Variants in MECOM observed in about 807,000 individuals in gnomAD.
MECOM encodes the protein histone-lysine N-methyltransferase MECOM.
MECOM carries 13 observed loss-of-function variants against 116.3 expected under a neutral mutation model. The ratio of observed to expected loss-of-function variants is 0.11; its 90% CI spans 0.07 to 0.18. MECOM has a LOEUF of 0.18. Ranked by LOEUF, MECOM falls within the 10% of genes least tolerant of loss-of-function variation. The probability of loss-of-function intolerance (pLI) is 1.00; values close to 1 mark genes in which losing one functional copy is unlikely to be tolerated. For missense variants in MECOM, 1,299 were observed against 1,509.0 expected (o/e 0.86, Z 2.31); for synonymous variants, 528 against 535.2 (o/e 0.99, Z 0.19).
intron 2 of MECOM, among the ~76,000 whole-genome samples, chr3:169,335,413 A>G (rs780332369): frequency 1.3e-5 from 2 of 152,172 alleles, no homozygotes; most frequent in Non-Finnish European, 1.5e-5. Context: ...TTCCTGAAAC[A>G]GAATACAATT....
At chr3:169,233,130 A>G (rs933458456) in intron 2 of MECOM, among the ~76,000 whole-genome samples, 11 of 152,110 alleles carry the variant, frequency 7.2e-5, no homozygotes, top group African/African-American at 2.7e-4. Flanking sequence ...GTGACGTCTG[A>G]TACTGGTTTT....
chr3:169,497,608 T>C (rs1357129954), intron 1 of MECOM, among the ~76,000 whole-genome samples: 1 of 152,158 alleles, frequency 6.6e-6, no homozygotes, highest in Non-Finnish European at 1.5e-5. Context: ...TCCACCCGCC[T>C]CGGCATCCCA....
chr3:169,484,132 A>G (rs1476554510), intron 1 of MECOM: 2 of 741,548 alleles, frequency 2.7e-6, no homozygotes, highest in Non-Finnish European at 4.5e-6. Context: ...ACAAAAAGTG[A>G]TTCTTTTTAT....
intron 2 of MECOM, among the ~76,000 whole-genome samples, chr3:169,348,853 T>A (rs1223259954): frequency 2.0e-5 from 3 of 152,122 alleles, no homozygotes; most frequent in Admixed American, 6.6e-5. Context: ...AGCAGCATGA[T>A]ACATTACTAT....
intron 1 of MECOM, among the ~76,000 whole-genome samples, chr3:169,475,348 A>G (rs1217185414): frequency 3.3e-5 from 5 of 152,170 alleles, no homozygotes; most frequent in Non-Finnish European, 7.4e-5. Flanking sequence ...CAACTTTATC[A>G]AGACGGTTGA....
At chr3:169,377,425 T>C (rs542559855) in intron 2 of MECOM, among the ~76,000 whole-genome samples, 5 of 152,338 alleles carry the variant, frequency 3.3e-5, no homozygotes, top group African/African-American at 7.2e-5. Context: ...TCTATCCATC[T>C]GACAAAGGGT....
intron 2 of MECOM, among the ~76,000 whole-genome samples, chr3:169,379,160 G>GA (rs546780284): frequency 0.014 from 1,813 of 130,920 alleles, 21 homozygotes; most frequent in African/African-American, 0.038. Flanking sequence ...GATTAAAAGA[G>GA]AAAAAAAAAA....
chr3:169,447,141 A>T (rs1243543788), intron 1 of MECOM, among the ~76,000 whole-genome samples: 1 of 152,136 alleles, frequency 6.6e-6, no homozygotes, highest in Non-Finnish European at 1.5e-5. Flanking sequence ...ATGTAAAAGA[A>T]ATTGCTCTGA....
At chr3:169,550,671 A>G (rs894616353) in intron 1 of MECOM, among the ~76,000 whole-genome samples, 1 of 152,226 alleles carries the variant, frequency 6.6e-6, no homozygotes, top group Non-Finnish European at 1.5e-5. Flanking sequence ...ACAATTATAT[A>G]TACGATTTGC....
At chr3:169,104,261 C>T (rs1181213495) in intron 10 of MECOM, among the ~76,000 whole-genome samples, 1 of 152,172 alleles carries the variant, frequency 6.6e-6, no homozygotes, top group African/African-American at 2.4e-5. Flanking sequence ...AGAATATGGT[C>T]ATTATTCCCT....
chr3:169,405,101 G>T (rs77462642), intron 1 of MECOM, among the ~76,000 whole-genome samples: 7,345 of 152,252 alleles, frequency 0.048, 224 homozygotes, highest in East Asian at 0.11. Context: ...ATGAACACTT[G>T]CCAGTCACAG....
At chr3:169,307,517 C>T (rs1429890289) in intron 2 of MECOM, among the ~76,000 whole-genome samples, 1 of 152,102 alleles carries the variant, frequency 6.6e-6, no homozygotes, top group African/African-American at 2.4e-5. Flanking sequence ...TGCAGCAAGC[C>T]ATGATCATGC....
At chr3:169,603,277 T>G (rs564591391) in intron 1 of MECOM, among the ~76,000 whole-genome samples, 1 of 152,342 alleles carries the variant, frequency 6.6e-6, no homozygotes, top group Admixed American at 6.5e-5. Context: ...TTTTAAAATT[T>G]TTTAAATAGA....
Position 169,090,171 on chromosome 3 carries a change from T to A in MECOM, c.3230A>T (p.Asp1077Val). The change falls in exon 15 of 17, where the codon GAT becomes GTT. Residue 1077 changes from aspartate to valine, a missense_variant. Asp to Val is a radical substitution (Grantham distance 152). Transcript: ENST00000651503. ...LVTSQNSDLL[D>V]DEEVEDEVLL... ...CACCTCATCTTCAACTTCTTCATCA[T>A]CCAGCAAGTCTGAATTTTGACTGGT... is the stretch of plus-strand genomic sequence containing the variant. The A allele has an allele frequency of 6.2e-7, 1 of 1,613,488 alleles. No homozygotes were observed. The highest frequency in any genetic ancestry group is 8.5e-7 in the Non-Finnish European group (1 of 1,179,612).
intron 2 of MECOM, among the ~76,000 whole-genome samples, chr3:169,149,933 C>CTGTGTGTGTG (rs1160142424): frequency 5.2e-5 from 6 of 116,088 alleles, no homozygotes; most frequent in African/African-American, 1.9e-4. Context: ...CTTTCTCTCT[C>CTGTGTGTGTG]TCTGTGTGTG....
At chr3:169,593,600 C>T (rs560086410) in intron 1 of MECOM, among the ~76,000 whole-genome samples, 3 of 152,248 alleles carry the variant, frequency 2.0e-5, no homozygotes, top group Non-Finnish European at 4.4e-5. Flanking sequence ...CAGGTAAGGT[C>T]CAGGAATCTA....
At chr3:169,191,752 AAGAAAG>A (rs1747685932) in intron 2 of MECOM, among the ~76,000 whole-genome samples, 2 of 134,824 alleles carry the variant, frequency 1.5e-5, no homozygotes, top group Non-Finnish European at 3.2e-5. Flanking sequence ...GAAAGAAAGA[AAGAAAG>A]AAAGAAAGAA....
intron 1 of MECOM, among the ~76,000 whole-genome samples, chr3:169,418,375 G>C (rs897670368): frequency 1.3e-5 from 2 of 152,088 alleles, no homozygotes; most frequent in Non-Finnish European, 2.9e-5. Flanking sequence ...TAGAAAAAGA[G>C]GGACTCCTCC....
At chr3:169,388,100 G>A (rs1374239338) in intron 1 of MECOM, among the ~76,000 whole-genome samples, 2 of 152,008 alleles carry the variant, frequency 1.3e-5, no homozygotes, top group Admixed American at 1.3e-4. Context: ...TGCTCTAGGA[G>A]GAGAACAGCT....
Sources: gnomAD v4.1 joint callset for allele counts (sites outside exome capture counted in the v4.1 genomes callset) on GRCh38, gnomAD v4.1.1 for gene constraint, MANE v1.5 for transcripts, NCBI Gene and HGNC (gene_info 2026-07-23, HGNC 2026-07-21) for gene names.